Variants in FBXL17 observed in about 807,000 individuals in gnomAD.
FBXL17 encodes F-box and leucine rich repeat protein 17.
FBXL17 carries 22 observed loss-of-function variants against 66.2 expected under a neutral mutation model. The ratio of observed to expected loss-of-function variants is 0.33; its 90% CI spans 0.24 to 0.47. The LOEUF (loss-of-function observed/expected upper bound fraction) is 0.47. FBXL17 is among the 20% of genes least tolerant of loss of function. The pLI is 1.00. For missense variants in FBXL17, 878 were observed against 948.2 expected, an observed-to-expected ratio of 0.93 and a Z score of 0.97; for synonymous variants, 474 against 400.5, an observed-to-expected ratio of 1.18 and a Z score of -2.19.
intron 3 of FBXL17, among the ~76,000 whole-genome samples, chr5:108,354,221 GA>G (rs1173632520): frequency 2.0e-5 from 3 of 152,102 alleles, no homozygotes; most frequent in Non-Finnish European, 2.9e-5. Flanking sequence ...TCAGGAGACT[GA>G]AAAAAGCATC....
chr5:108,049,969 C>T (rs1460065809), intron 6 of FBXL17, among the ~76,000 whole-genome samples: 1 of 152,146 alleles, frequency 6.6e-6, no homozygotes, highest in Non-Finnish European at 1.5e-5. Context: ...TTCAAACCAA[C>T]AAAGATCAAA....
At chr5:108,098,854 A>T (rs1456495850) in intron 6 of FBXL17, among the ~76,000 whole-genome samples, 1 of 152,164 alleles carries the variant, frequency 6.6e-6, no homozygotes, top group African/African-American at 2.4e-5. Context: ...AAATGACTGT[A>T]AACATGAATA....
At chr5:108,375,621 T>C (rs1338008325) in intron 1 of FBXL17, among the ~76,000 whole-genome samples, 4 of 151,872 alleles carry the variant, frequency 2.6e-5, no homozygotes, top group Non-Finnish European at 5.9e-5. Context: ...CGTAAAAAGA[T>C]GGAATATGTA....
chr5:107,870,397 G>A (rs181394723), intron 8 of FBXL17, among the ~76,000 whole-genome samples: 1 of 152,096 alleles, frequency 6.6e-6, no homozygotes, highest in East Asian at 1.9e-4. Flanking sequence ...AAAATGGACT[G>A]GCTTCCTCTT....
At chr5:108,097,194 T>C (rs964267673) in intron 6 of FBXL17, among the ~76,000 whole-genome samples, 2 of 152,164 alleles carry the variant, frequency 1.3e-5, no homozygotes, top group African/African-American at 4.8e-5. Context: ...TCTCTCTACC[T>C]TTCTAGCCGC....
chr5:108,319,126 G>A (rs1225787933), intron 4 of FBXL17, among the ~76,000 whole-genome samples: 1 of 151,812 alleles, frequency 6.6e-6, no homozygotes, highest in African/African-American at 2.4e-5. Context: ...TTTTAAATAA[G>A]CCATTCCACT....
intron 6 of FBXL17, among the ~76,000 whole-genome samples, chr5:108,114,390 T>C (rs897597627): frequency 2.4e-5 from 2 of 83,518 alleles, no homozygotes; most frequent in African/African-American, 3.3e-5. Flanking sequence ...GCATAAATCA[T>C]CATTTATATT....
intron 6 of FBXL17, among the ~76,000 whole-genome samples, chr5:108,085,193 T>C (rs1319435042): frequency 6.6e-6 from 1 of 152,250 alleles, no homozygotes; most frequent in African/African-American, 2.4e-5. Flanking sequence ...TTAGTGTTTA[T>C]AAGTTTAATT....
intron 6 of FBXL17, among the ~76,000 whole-genome samples, chr5:108,052,945 G>GA (rs1259538712): frequency 3.9e-5 from 6 of 152,064 alleles, no homozygotes; most frequent in Non-Finnish European, 7.4e-5. Context: ...AAGCAATGGG[G>GA]AAAAAAATCT....
intron 5 of FBXL17, among the ~76,000 whole-genome samples, chr5:108,210,229 C>G (rs999524657): frequency 6.6e-6 from 1 of 151,908 alleles, no homozygotes; most frequent in African/African-American, 2.4e-5. Flanking sequence ...GGCTTGTGGT[C>G]TATCTATTTT....
intron 1 of FBXL17, among the ~76,000 whole-genome samples, chr5:108,378,538 G>C (rs1418204893): frequency 6.6e-6 from 1 of 152,082 alleles, no homozygotes; most frequent in Non-Finnish European, 1.5e-5. Context: ...AATTGTCATA[G>C]CTCCATAAGT....
At chr5:108,248,067 GA>G (rs1270186237) in intron 4 of FBXL17, among the ~76,000 whole-genome samples, 2 of 152,114 alleles carry the variant, frequency 1.3e-5, no homozygotes, top group Admixed American at 6.6e-5. Flanking sequence ...AAAATCCAGA[GA>G]ATTCATTGCT....
intron 4 of FBXL17, among the ~76,000 whole-genome samples, chr5:108,334,072 T>C (rs1760261481): frequency 6.6e-6 from 1 of 152,184 alleles, no homozygotes; most frequent in Admixed American, 6.5e-5. Flanking sequence ...ATTAGTAGCA[T>C]TTCCAAATAT....
At chr5:108,248,162 G>C (rs944151768) in intron 4 of FBXL17, among the ~76,000 whole-genome samples, 1 of 152,078 alleles carries the variant, frequency 6.6e-6, no homozygotes, top group African/African-American at 2.4e-5. Flanking sequence ...AGAATTATTT[G>C]ACAAAAACTG....
intron 6 of FBXL17, among the ~76,000 whole-genome samples, chr5:108,136,809 A>C (rs1045847770): frequency 7.2e-5 from 11 of 152,174 alleles, no homozygotes; most frequent in Admixed American, 2.0e-4. Flanking sequence ...GTTAGTATGA[A>C]AAATTGCTTT....
intron 4 of FBXL17, among the ~76,000 whole-genome samples, chr5:108,345,057 G>A (rs938692550): frequency 9.9e-5 from 15 of 152,046 alleles, no homozygotes; most frequent in Non-Finnish European, 1.9e-4. Context: ...ATCTAAGGCC[G>A]GGCACGGTGG....
intron 5 of FBXL17, among the ~76,000 whole-genome samples, chr5:108,216,897 A>G (rs1754624465): frequency 6.6e-6 from 1 of 152,178 alleles, no homozygotes. Flanking sequence ...GCTAACTCAG[A>G]TAAGGGAACA....
intron 6 of FBXL17, among the ~76,000 whole-genome samples, chr5:108,091,832 C>T (rs983698350): frequency 6.6e-6 from 1 of 152,104 alleles, no homozygotes; most frequent in African/African-American, 2.4e-5. Context: ...CTGAGGTACA[C>T]GTAAGAATTC....
At chr5:108,351,174 G>A (rs984676254) in intron 3 of FBXL17, among the ~76,000 whole-genome samples, 2 of 151,898 alleles carry the variant, frequency 1.3e-5, no homozygotes, top group Non-Finnish European at 2.9e-5. Flanking sequence ...AAATGCTTTA[G>A]AGAAAAAAGA....
Sources: allele counts gnomAD v4.1 joint callset (sites outside exome capture counted in the v4.1 genomes callset), GRCh38; gene constraint gnomAD v4.1.1; transcripts MANE v1.5; gene names NCBI Gene and HGNC (gene_info 2026-07-23, HGNC 2026-07-21).